RNF25: variants seen among roughly 807,000 people sequenced by gnomAD.
RNF25 encodes the protein ring finger protein 25.
A neutral mutation model predicts 65.0 loss-of-function variants in RNF25; 32 were observed. The ratio of observed to expected loss-of-function variants is 0.49; its 90% CI spans 0.37 to 0.66. The LOEUF is 0.66. Ranked by LOEUF, RNF25 falls within the 30% of genes least tolerant of loss-of-function variation. The pLI, the probability that RNF25 is intolerant of heterozygous loss-of-function variation, is 0.00. For missense variants in RNF25, 493 were observed against 584.8 expected, an observed-to-expected ratio of 0.84 and a Z score of 1.62; for synonymous variants, 207 against 221.2, an observed-to-expected ratio of 0.94 and a Z score of 0.57.
chr2:218,667,942 C>T lies in RNF25; in HGVS notation c.327G>A (p.Leu109=), dbSNP rs774668885. 5.6e-6 allele frequency: 9 copies of T among 1,614,060 alleles called. No individual in the cohort carries two copies. Among genetic ancestry groups the T allele is most frequent in the Non-Finnish European group, 7.6e-6 (9 of 1,180,032 alleles). The change falls in exon 5 of 10, where the codon CTG becomes CTA. Residue 109 remains leucine (L), a synonymous_variant. Transcript: ENST00000295704. ...QVLGHVAKAG[L]GTAMLYELIE... The stretch of plus-strand genomic sequence containing the variant: ...TGAGTTCATACAGCATGGCAGTGCC[C>T]AGCCCAGCCTTGGCCACGTGGCCCA...
intron 1 of RNF25, among the ~76,000 whole-genome samples, chr2:218,670,645 G>T (rs1024448495): frequency 7.2e-6 from 1 of 138,582 alleles, no homozygotes; most frequent in South Asian, 2.3e-4. Flanking sequence ...GCAGTGAACC[G>T]AGATTGCGCC....
intron 1 of RNF25, 81 bp from the exon 2 acceptor site, chr2:218,668,760 T>C (rs899059627): frequency 6.5e-5 from 64 of 979,476 alleles, no homozygotes; most frequent in Non-Finnish European, 9.2e-5. Context: ...GCAGGCTTTG[T>C]AGAAAAATGG....
chr2:218,671,839 C>G, intron 1 of RNF25, 91 bp downstream of exon 1: 3 of 1,440,476 alleles, frequency 2.1e-6, no homozygotes, highest in Non-Finnish European at 2.9e-6. Context: ...CGCTCCACCC[C>G]ACACGCCCGC....
chr2:218,666,917 C>T (rs978030910), intron 5 of RNF25, among the ~76,000 whole-genome samples: 1 of 152,122 alleles, frequency 6.6e-6, no homozygotes, highest in East Asian at 1.9e-4. Context: ...GCCTATAATC[C>T]CAGCACTTTG....
chr2:218,671,292 T>C (rs1939961366), intron 1 of RNF25, among the ~76,000 whole-genome samples: 1 of 152,036 alleles, frequency 6.6e-6, no homozygotes, highest in African/African-American at 2.4e-5. Context: ...CTGAGGACAC[T>C]GACTCACAGA....
intron 2 of RNF25, 84 bp downstream of exon 2, chr2:218,668,521 C>T (rs1939885567): frequency 9.3e-7 from 1 of 1,080,912 alleles, no homozygotes; most frequent in African/African-American, 1.6e-5. Flanking sequence ...AATCAAGGCT[C>T]ACAATGTCTT....
At chr2:218,667,204 C>G (rs1939840856) in intron 5 of RNF25, among the ~76,000 whole-genome samples, 3 of 150,200 alleles carry the variant, frequency 2.0e-5, no homozygotes, top group African/African-American at 7.4e-5. Context: ...AATAAACAAA[C>G]TAGGGGAAAA....
chr2:218,669,234 A>C (rs895853135), intron 1 of RNF25, among the ~76,000 whole-genome samples: 10 of 152,226 alleles, frequency 6.6e-5, no homozygotes, highest in African/African-American at 2.4e-4. Flanking sequence ...AAGAGCCAGC[A>C]GCCTCGGAGT....
At chr2:218,670,381 T>C (rs1939922317) in intron 1 of RNF25, among the ~76,000 whole-genome samples, 1 of 145,516 alleles carries the variant, frequency 6.9e-6, no homozygotes, top group African/African-American at 2.6e-5. Flanking sequence ...GATGGGATGG[T>C]GGTAAGGTGG....
At position 218,664,316 on chromosome 2, in the gene RNF25, TGGG is replaced by T. The variant is rs745474265; in HGVS notation, c.1018_1020del (p.Pro340del). 6 of 1,613,894 alleles carry T rather than the reference TGGG, an allele frequency of 3.7e-6. No individual in the cohort carries two copies. Among genetic ancestry groups the T allele is most frequent in the Non-Finnish European group, 5.1e-6 (6 of 1,179,812 alleles). Reference sequence around the variant, plus strand: ...TGTCGCCAGGGACCTCGACTGGGCTTGGGGGGATCTAGCATAGCTTTCTGGGTT... The same window carrying T: ...TGTCGCCAGGGACCTCGACTGGGCTTGGGATCTAGCATAGCTTTCTGGGTT... On this transcript the variant is annotated inframe_deletion, in exon 10 of 10. Transcript: ENST00000295704. The surrounding 1 kb of genome is among the most constrained non-coding windows in gnomAD (Gnocchi z 5.1).
chr2:218,666,415 G>T (rs1299385756), intron 5 of RNF25, among the ~76,000 whole-genome samples, 185 bp from the exon 6 acceptor site: 1 of 151,958 alleles, frequency 6.6e-6, no homozygotes, highest in Non-Finnish European at 1.5e-5. Flanking sequence ...CCACATCTCT[G>T]CCCCTCCCCC....
At chr2:218,670,653 G>A (rs565088898) in intron 1 of RNF25, among the ~76,000 whole-genome samples, 125 of 130,802 alleles carry the variant, frequency 9.6e-4, no homozygotes, top group Non-Finnish European at 1.4e-3. Flanking sequence ...CCGAGATTGC[G>A]CCACTGCACT....
rs1939888564 is a variant in RNF25 at position 218,668,677 on chromosome 2, A to T, written c.44T>A (p.Val15Asp). 6.2e-7 allele frequency: 1 copy of T among 1,605,608 alleles called. No homozygotes were observed. The highest frequency in any genetic ancestry group is 1.3e-5 in the African/African-American group (1 of 74,444). The change falls in exon 2 of 10, where the codon GTC (valine) becomes GAC (aspartate). Residue 15 changes from valine (V) to aspartate (D), a missense_variant and splice_region_variant. Physicochemically the swap from Val to Asp is radical, Grantham distance 152. Around this residue, in one of 3 missense-constraint regions of RNF25, gnomAD observed 108 missense variants for 166.0 expected, o/e 0.65. Transcript: ENST00000295704. ...ASAAAGEEDWVLPSEVEVLES... is the reference protein window; with the variant it reads ...ASAAAGEEDWDLPSEVEVLES... ...CAATACTTCAACTTCAGAGGGAAGG[A>T]CCCTAGAGAGACAGGAGTAGACTAA... is the stretch of plus-strand genomic sequence containing the variant.
Position 218,665,828 on chromosome 2 carries a change from A to G in RNF25, c.573+88T>C, listed in dbSNP as rs889338433. 3.3e-6 allele frequency: 5 copies of G among 1,509,530 alleles called. No homozygotes were observed. The African/African-American group carries it at 7.0e-5, about 21-fold the overall frequency. 93.5% of individuals were successfully genotyped at this position (1,509,530 alleles called of 1,614,324 possible). On this transcript the variant is annotated intron_variant, in intron 7 of 9. Transcript: ENST00000295704. The stretch of plus-strand genomic sequence containing the variant: ...GGGTATCTATGACCCTGAAAAAGTG[A>G]AGAGCCACTGGAGTGGAGAGATGGA...
chr2:218,665,211 GCT>G lies in RNF25; in HGVS notation c.608_609del (p.Glu203AlafsTer5). The G allele has an allele frequency of 6.2e-7, 1 of 1,614,156 alleles. No homozygotes were observed. The highest frequency in any genetic ancestry group is 8.5e-7 in the Non-Finnish European group (1 of 1,180,030). On this transcript the variant is annotated frameshift_variant, in exon 8 of 10. Transcript: ENST00000295704. LOFTEE classifies it high-confidence loss of function. ...AGTGAGGCAAGATCATACACGAGGG[GCT>G]CTCTGCACACTGGACACTGCACACC... ...AVGVQCPVCR[E>X]PLVYDLASLK... is the part of the protein sequence containing the mutation.
chr2:218,664,654 C>CA lies in RNF25; in HGVS notation c.801+84dup. On this transcript the variant is annotated intron_variant, in intron 9 of 9. Transcript: ENST00000295704. The surrounding 1 kb of genome is among the most constrained non-coding windows in gnomAD (Gnocchi z 5.1). ...CAGCCTATCATCTTCCTGGTTAGAA[C>CA]AAAGCTCACTCTGGGGCCATGGCTG... 6.3e-7 allele frequency: 1 copy of CA among 1,595,060 alleles called. No individual in the cohort carries two copies. The highest frequency in any genetic ancestry group is 1.1e-5 in the South Asian group (1 of 87,836).
At chr2:218,670,488 G>A (rs1274651489) in intron 1 of RNF25, among the ~76,000 whole-genome samples, 1 of 151,980 alleles carries the variant, frequency 6.6e-6, no homozygotes, top group Non-Finnish European at 1.5e-5. Flanking sequence ...GAAGTCAGGA[G>A]ATAGAGACCA....
chr2:218,667,966 C>T lies in RNF25; in HGVS notation c.303G>A (p.Leu101=). The T allele has an allele frequency of 6.2e-7, 1 of 1,614,220 alleles. No homozygotes were observed. Among genetic ancestry groups the T allele is most frequent in the Non-Finnish European group, 8.5e-7 (1 of 1,180,036 alleles). The change falls in exon 5 of 10, where the codon CTG becomes CTA. Residue 101 remains leucine (L), a synonymous_variant. Coordinates refer to ENST00000295704, the MANE Select transcript of RNF25 (RefSeq NM_022453.3). ...CCAGCCCAGCCTTGGCCACGTGGCC[C>T]AGCACCTGTAAGATCCTGGAGGAAG... The part of the protein sequence containing the change: ...DEQIHTILQV[L]GHVAKAGLGT...
Position 218,664,273 on chromosome 2 carries a change from G to A in RNF25, c.1064C>T (p.Pro355Leu). The change falls in exon 10 of 10, where the codon CCA (proline) becomes CTA (leucine). Residue 355 changes from proline to leucine, a missense_variant. Physicochemically the swap from Pro to Leu is moderately conservative, Grantham distance 98. Coordinates refer to ENST00000295704, the MANE Select transcript of RNF25 (RefSeq NM_022453.3). This position sits in a 1 kb window ranked among gnomAD's most constrained non-coding sequence, Gnocchi z 5.1. ...GPWRQPERRH[P>L]KGGECHAPKG... Reference sequence around the variant, plus strand: ...AGGGGCGTGGCACTCCCCTCCCTTTGGGTGCCTCCGTTCGGGCTGTCGCCA... The same window carrying A: ...AGGGGCGTGGCACTCCCCTCCCTTTAGGTGCCTCCGTTCGGGCTGTCGCCA... The A allele has an allele frequency of 1.2e-6, 2 of 1,607,916 alleles. No homozygotes were observed. Among genetic ancestry groups the A allele is most frequent in the Middle Eastern group, 1.7e-4 (1 of 6,032 alleles).
Sources: allele counts gnomAD v4.1 joint callset (sites outside exome capture counted in the v4.1 genomes callset), GRCh38; gene constraint gnomAD v4.1.1; regional missense constraint gnomAD v4.1.1; non-coding constraint Gnocchi (gnomAD v3.1); transcripts MANE v1.5; gene names NCBI Gene and HGNC (gene_info 2026-07-23, HGNC 2026-07-21).